PREX2: variants seen among roughly 807,000 people sequenced by gnomAD.
PREX2 encodes phosphatidylinositol 3,4,5-trisphosphate-dependent Rac exchanger 2 protein.
Under a neutral mutation model 203.2 loss-of-function variants are expected in PREX2, and 107 were observed. The ratio of observed to expected loss-of-function variants is 0.53; its 90% confidence interval spans 0.45 to 0.62. PREX2 has a LOEUF of 0.62. Among genes scored for constraint, PREX2 ranks in the 20% least tolerant of loss-of-function variants. The pLI is 0.00. For missense variants in PREX2, 1,777 were observed against 1,955.9 expected (o/e 0.91, Z 1.72); for synonymous variants, 672 against 663.6 (o/e 1.01, Z -0.19).
At chr8:68,120,477 C>G (rs1244952424) in intron 29 of PREX2, among the ~76,000 whole-genome samples, 191 bp downstream of exon 29, 1 of 152,104 alleles carries the variant, frequency 6.6e-6, no homozygotes, top group Non-Finnish European at 1.5e-5. Context: ...TTTTACATGT[C>G]TGTTTCTTTG....
At chr8:68,021,821 C>A (rs1431664972) in intron 3 of PREX2, among the ~76,000 whole-genome samples, 1 of 152,160 alleles carries the variant, frequency 6.6e-6, no homozygotes, top group African/African-American at 2.4e-5. Context: ...TTGAATTCAT[C>A]ACAATGGAGT....
chr8:68,064,956 C>T lies in PREX2; in HGVS notation c.1340-4077C>T, dbSNP rs574052742. 2.0e-4 allele frequency among the ~76,000 whole-genome samples: 30 copies of T among 152,288 alleles called. No individual in the cohort carries two copies. The South Asian group carries it at 6.0e-3, about 31-fold the overall frequency. On this transcript the variant is annotated intron_variant, in intron 11 of 39. Transcript: ENST00000288368. ...ACCACCTAGAGAGCCAGTTGTTAAA[C>T]ATTTGCACTATGTTCCTGGTTCTCT...
At chr8:68,002,098 A>AAG (rs1163228420) in intron 1 of PREX2, among the ~76,000 whole-genome samples, 1 of 150,720 alleles carries the variant, frequency 6.6e-6, no homozygotes, top group Non-Finnish European at 1.5e-5. Flanking sequence ...TAAAAAAAAA[A>AAG]GAAAGTGCAT....
In PREX2 at chr8:68,095,581, GTA is replaced by G. The variant is rs1247827319; in HGVS notation, c.2369-1432_2369-1431del. ...TGTATCTATGTGTGTGTGTGTGTGT[GTA>G]TATGTGTGTGTATATATATATCTTT... On this transcript the variant is annotated intron_variant, in intron 21 of 39. Coordinates refer to ENST00000288368, the MANE Select transcript of PREX2 (RefSeq NM_024870.4). Among the ~76,000 whole-genome samples the G allele has an allele frequency of 6.5e-5, 9 of 137,952 alleles. No homozygotes were observed. In the East Asian group the frequency reaches 8.5e-4, roughly 13 times the overall value. 90.5% of individuals were successfully genotyped at this position (137,952 alleles called of 152,430 possible). A position where few individuals can be genotyped will look rare whatever the true frequency, so the allele number is the denominator to read the frequency against.
At chr8:68,177,950 C>T (rs577163105) in intron 35 of PREX2, among the ~76,000 whole-genome samples, 207 of 152,306 alleles carry the variant, frequency 1.4e-3, no homozygotes, top group African/African-American at 4.7e-3. Flanking sequence ...TCATCCATGT[C>T]CCTGCAAAGG....
At chr8:68,011,130 C>T (rs751655398) in intron 1 of PREX2, among the ~76,000 whole-genome samples, 6 of 152,132 alleles carry the variant, frequency 3.9e-5, no homozygotes, top group African/African-American at 7.2e-5. Context: ...GTAAATATCT[C>T]GCTTAATTTT....
At chr8:68,143,574 A>G (rs1037594164) in intron 33 of PREX2, among the ~76,000 whole-genome samples, 3 of 151,626 alleles carry the variant, frequency 2.0e-5, no homozygotes, top group Middle Eastern at 3.4e-3. Flanking sequence ...TTGAAGAGTT[A>G]TCTGTGTATT....
chr8:68,126,683 A>G (rs1411679781), intron 30 of PREX2, among the ~76,000 whole-genome samples: 1 of 152,008 alleles, frequency 6.6e-6, no homozygotes, highest in African/African-American at 2.4e-5. Flanking sequence ...GAACTTTGTA[A>G]GTTTTTAAAT....
At chr8:68,055,766 C>T in intron 9 of PREX2, 64 bp from the exon 10 acceptor site, 1 of 1,455,110 alleles carries the variant, frequency 6.9e-7, no homozygotes, top group Non-Finnish European at 9.6e-7. Flanking sequence ...CTTAATGAAG[C>T]CATAACTGAA....
At chr8:68,040,655 C>T (rs1384982955) in intron 7 of PREX2, among the ~76,000 whole-genome samples, 1 of 152,140 alleles carries the variant, frequency 6.6e-6, no homozygotes, top group African/African-American at 2.4e-5. Flanking sequence ...CAGTCACTAT[C>T]AATATCGGGA....
intron 31 of PREX2, among the ~76,000 whole-genome samples, chr8:68,131,992 C>G (rs1811019561): frequency 6.6e-6 from 1 of 152,074 alleles, no homozygotes; most frequent in South Asian, 2.1e-4. Context: ...TAATTTTCAA[C>G]AAAGATGTAG....
At position 68,022,387 on chromosome 8, in the gene PREX2, C is replaced by A. The variant is rs1049801788; in HGVS notation, c.441+247C>A. Among the ~76,000 whole-genome samples the A allele has an allele frequency of 3.4e-4, 52 of 152,168 alleles. 1 individual carries two copies. The highest frequency in any genetic ancestry group is 1.2e-3 in the African/African-American group (51 of 41,516). On this transcript the variant is annotated intron_variant, in intron 4 of 39. Transcript: ENST00000288368. ...TCTGTGAGACCCCACAGGTTCCTAG[C>A]GAGAGAGGAGCTTCTGCCAGAGTTC... is the stretch of plus-strand genomic sequence containing the variant.
chr8:67,970,760 G>A (rs545259667), intron 1 of PREX2, among the ~76,000 whole-genome samples: 91 of 152,314 alleles, frequency 6.0e-4, no homozygotes, highest in African/African-American at 2.1e-3. Context: ...CCTATTCCAA[G>A]TGCATGTCAG....
At chr8:68,025,196 T>C (rs890261834) in intron 4 of PREX2, among the ~76,000 whole-genome samples, 1 of 151,974 alleles carries the variant, frequency 6.6e-6, no homozygotes, top group Non-Finnish European at 1.5e-5. Flanking sequence ...GCTCAGTCTT[T>C]TTTTTTATTT....
intron 1 of PREX2, among the ~76,000 whole-genome samples, chr8:67,962,480 T>C (rs890093012): frequency 6.6e-6 from 1 of 152,064 alleles, no homozygotes; most frequent in Non-Finnish European, 1.5e-5. Context: ...AAGATTATTT[T>C]AAGAATTCAT....
chr8:68,224,882 TG>T (rs1160961288), intron 39 of PREX2, among the ~76,000 whole-genome samples: 10 of 152,168 alleles, frequency 6.6e-5, no homozygotes, highest in Non-Finnish European at 1.5e-4. Flanking sequence ...TACTAAAATT[TG>T]AAATCCAGCT....
At chr8:68,087,701 A>T in intron 18 of PREX2, 23 bp from the exon 19 acceptor site, 1 of 1,558,678 alleles carries the variant, frequency 6.4e-7, no homozygotes, top group Non-Finnish European at 8.9e-7. Context: ...GCTTCATCTT[A>T]CCTTATTTTC....
chr8:68,085,884 A>G (rs906818711), intron 18 of PREX2, among the ~76,000 whole-genome samples: 1 of 152,192 alleles, frequency 6.6e-6, no homozygotes, highest in African/African-American at 2.4e-5. Flanking sequence ...CAAAATCCAA[A>G]AGCAACAATA....
chr8:68,118,652 C>A lies in PREX2; in HGVS notation c.3421+8C>A. 6.2e-7 allele frequency: 1 copy of A among 1,604,222 alleles called. No homozygotes were observed. The highest frequency in any genetic ancestry group is 1.1e-5 in the South Asian group (1 of 90,812). On this transcript the variant is annotated splice_region_variant and intron_variant, in intron 27 of 39. Transcript: ENST00000288368. ...GTGATGAAATGGACTCAGGTGTGTT[C>A]GTTGGTGAAGGCCTGTGGGCTTTTT...
Sources: allele counts gnomAD v4.1 joint callset (sites outside exome capture counted in the v4.1 genomes callset), GRCh38; gene constraint gnomAD v4.1.1; transcripts MANE v1.5; gene names NCBI Gene and HGNC (gene_info 2026-07-23, HGNC 2026-07-21).